EFHD1: variants seen among roughly 807,000 people sequenced by gnomAD.
The protein encoded by EFHD1 is EF-hand domain family member D1, also known as EF-hand domain-containing protein D1.
EFHD1 carries 10 observed loss-of-function variants against 17.2 expected under a neutral mutation model. That is an observed-to-expected ratio of 0.58 (90% confidence interval 0.36 to 0.99). The LOEUF is 0.99. EFHD1 is among the 50% of genes least tolerant of loss of function. The pLI, the probability that EFHD1 is intolerant of heterozygous loss-of-function variation, is 0.01. For missense variants in EFHD1, 310 were observed against 327.5 expected, an observed-to-expected ratio of 0.95 and a Z score of 0.41; for synonymous variants, 153 against 142.0, an observed-to-expected ratio of 1.08 and a Z score of -0.55.
chr2:232,608,046 T>C (rs1339795862), intron 1 of EFHD1, among the ~76,000 whole-genome samples: 1 of 151,128 alleles, frequency 6.6e-6, no homozygotes, highest in Non-Finnish European at 1.5e-5. Flanking sequence ...AGGACTCCCA[T>C]ACCAAATCCA....
intron 1 of EFHD1, among the ~76,000 whole-genome samples, chr2:232,621,609 T>C (rs757415278): frequency 6.6e-6 from 1 of 152,098 alleles, no homozygotes; most frequent in African/African-American, 2.4e-5. Context: ...CCCGCCACCA[T>C]GCCCGGCTAA....
At chr2:232,646,747 G>T (rs751184744) in intron 1 of EFHD1, among the ~76,000 whole-genome samples, 1 of 152,116 alleles carries the variant, frequency 6.6e-6, no homozygotes, top group Non-Finnish European at 1.5e-5. Flanking sequence ...GTGCCCGGCC[G>T]GTTATTGCTG....
chr2:232,652,865 G>T lies in EFHD1; in HGVS notation c.303-9937G>T, dbSNP rs190207206. Among the ~76,000 whole-genome samples the T allele has an allele frequency of 6.6e-5, 10 of 152,268 alleles. No individual in the cohort carries two copies. In the East Asian group the frequency reaches 1.9e-3, roughly 29 times the overall value. The stretch of plus-strand genomic sequence containing the variant: ...GGAAGTGACTAGACAAACCCTCCAA[G>T]GGTCACTTTGAAGAGAGAAAGATAG... On this transcript the variant is annotated intron_variant, in intron 1 of 3. Transcript: ENST00000264059.
upstream of EFHD1, among the ~76,000 whole-genome samples, chr2:232,631,486 C>A (rs1252708772): frequency 6.6e-6 from 1 of 150,820 alleles, no homozygotes; most frequent in Non-Finnish European, 1.5e-5. Context: ...TTTATTTTAT[C>A]TTTTTTTGTA....
In EFHD1 at chr2:232,643,575, G is replaced by A. The variant is rs111930974; in HGVS notation, c.302+9569G>A. Reference sequence around the variant, plus strand: ...AATTTTTTTTTTTTTTAGTAGAGACGGAGTTTCACCATGTTGCTGAGGCTG... The same window carrying A: ...AATTTTTTTTTTTTTTAGTAGAGACAGAGTTTCACCATGTTGCTGAGGCTG... On this transcript the variant is annotated intron_variant, in intron 1 of 3. Coordinates refer to ENST00000264059, the MANE Select transcript of EFHD1 (RefSeq NM_025202.4). 1.8e-4 allele frequency among the ~76,000 whole-genome samples: 27 copies of A among 151,090 alleles called. 2 individuals are homozygous for A. Among genetic ancestry groups the A allele is most frequent in the African/African-American group, 6.1e-4 (25 of 41,128 alleles).
At chr2:232,657,394 T>G (rs111845020) in intron 1 of EFHD1, among the ~76,000 whole-genome samples, 1 of 152,242 alleles carries the variant, frequency 6.6e-6, no homozygotes, top group African/African-American at 2.4e-5. Context: ...CCTGTGAGCA[T>G]GGGTCAGAGT....
chr2:232,681,095 G>A (rs1695273992), intron 3 of EFHD1, among the ~76,000 whole-genome samples: 1 of 151,996 alleles, frequency 6.6e-6, no homozygotes. Context: ...GATGGAGATT[G>A]CAGTGAGCCA....
At chr2:232,674,065 C>T (rs144808774) in intron 3 of EFHD1, among the ~76,000 whole-genome samples, 5,322 of 152,182 alleles carry the variant, frequency 0.035, 205 homozygotes, top group East Asian at 0.22. Context: ...CCCACCACCA[C>T]GCCCAGCTAA....
At chr2:232,643,884 T>C (rs181317842) in intron 1 of EFHD1, among the ~76,000 whole-genome samples, 83 of 152,312 alleles carry the variant, frequency 5.4e-4, no homozygotes, top group Non-Finnish European at 9.6e-4. Flanking sequence ...GGACTTTTGA[T>C]GTCAGGCTTG....
chr2:232,678,380 T>C (rs1020263171), intron 3 of EFHD1, among the ~76,000 whole-genome samples: 4 of 152,222 alleles, frequency 2.6e-5, no homozygotes, highest in Non-Finnish European at 4.4e-5. Context: ...GATCATAGGT[T>C]ATCAAGAAAA....
At chr2:232,638,298 A>G in intron 1 of EFHD1, 1 of 469,136 alleles carries the variant, frequency 2.1e-6, no homozygotes, top group Non-Finnish European at 4.4e-6. Flanking sequence ...ACATCTTAAA[A>G]TGCAGCCGCA....
chr2:232,613,615 C>T (rs1179423587), intron 1 of EFHD1, among the ~76,000 whole-genome samples: 2 of 149,902 alleles, frequency 1.3e-5, no homozygotes, highest in Non-Finnish European at 1.5e-5. Context: ...CACACACACA[C>T]ACACACACAC....
At chr2:232,665,230 T>C (rs971354737) in intron 2 of EFHD1, among the ~76,000 whole-genome samples, 1 of 152,148 alleles carries the variant, frequency 6.6e-6, no homozygotes, top group Non-Finnish European at 1.5e-5. Flanking sequence ...CATATGGCAT[T>C]CACAGCTGAT....
At chr2:232,619,304 CTTTCTTTCTT>C (rs1399586428) in intron 1 of EFHD1, among the ~76,000 whole-genome samples, 1 of 106,334 alleles carries the variant, frequency 9.4e-6, no homozygotes, top group Non-Finnish European at 2.0e-5. Context: ...TGATTTCTTT[CTTTCTTTCTT>C]TTTTTTTTTT....
chr2:232,671,273 A>AT (rs1695063429), intron 2 of EFHD1, among the ~76,000 whole-genome samples: 1 of 151,170 alleles, frequency 6.6e-6, no homozygotes, highest in African/African-American at 2.4e-5. Context: ...GTCTCTACAA[A>AT]TTAAAAAAAA....
At chr2:232,632,767 A>C (rs2106192366), upstream of EFHD1, among the ~76,000 whole-genome samples, 1 of 152,282 alleles carries the variant, frequency 6.6e-6, no homozygotes, top group African/African-American at 2.4e-5. Context: ...CTGGGACTAC[A>C]GACGAGCGCC....
chr2:232,644,942 A>ATT lies in EFHD1; in HGVS notation c.302+10956_302+10957dup, dbSNP rs752790323. On this transcript the variant is annotated intron_variant, in intron 1 of 3. Coordinates refer to ENST00000264059, the MANE Select transcript of EFHD1 (RefSeq NM_025202.4). ...CAGGCGTGAGCCACCATGCCTGGCA[A>ATT]TTTTTTTTTTTTTTTTTTTTTGAGA... Among the ~76,000 whole-genome samples, 1,061 of 114,330 alleles carry ATT rather than the reference A, an allele frequency of 9.3e-3. 22 individuals carry two copies. The highest frequency in any genetic ancestry group is 0.03 in the African/African-American group (862 of 29,014). 75.0% of individuals were successfully genotyped at this position (114,330 alleles called of 152,430 possible). A position where few individuals can be genotyped will look rare whatever the true frequency, so the allele number is the denominator to read the frequency against.
chr2:232,638,868 G>C (rs1374094712), intron 1 of EFHD1, among the ~76,000 whole-genome samples: 1 of 152,200 alleles, frequency 6.6e-6, no homozygotes, highest in Non-Finnish European at 1.5e-5. Flanking sequence ...TTGTACATTT[G>C]ACAATTTTGA....
chr2:232,606,109 C>T (rs1309539823), exon 1 of EFHD1: 3 of 1,546,106 alleles, frequency 1.9e-6, no homozygotes, highest in African/African-American at 1.4e-5. Context: ...TTTCTCCGTA[C>T]TGTCCCTGTG....
Sources: allele counts gnomAD v4.1 joint callset (sites outside exome capture counted in the v4.1 genomes callset), GRCh38; gene constraint gnomAD v4.1.1; transcripts MANE v1.5; gene names NCBI Gene and HGNC (gene_info 2026-07-23, HGNC 2026-07-21).